The following HIGD1C variants were observed in gnomAD, a reference collection of about 807,000 sequenced individuals.
HIGD1C encodes the protein HIG1 domain family member 1C.
HIGD1C carries 11 observed loss-of-function variants against 13.1 expected under a neutral mutation model. The ratio of observed to expected loss-of-function variants is 0.84; its 90% confidence interval spans 0.53 to 1.39. The LOEUF (loss-of-function observed/expected upper bound fraction) is 1.39. Among genes scored for constraint, HIGD1C ranks in the 40% most tolerant of loss-of-function variants. The probability of loss-of-function intolerance (pLI) is 0.00; values close to 1 mark genes in which losing one functional copy is unlikely to be tolerated. For missense variants in HIGD1C, 110 were observed against 112.0 expected (o/e 0.98, Z 0.08); for synonymous variants, 36 against 37.7 (o/e 0.95, Z 0.17).
the HIGD1C span, among the ~76,000 whole-genome samples, chr12:50,940,942 T>C: frequency 6.6e-6 from 1 of 151,844 alleles, no homozygotes; most frequent in African/African-American, 2.4e-5. Context: ...CCTCCCAGGC[T>C]CAAGTGATCC....
the HIGD1C span, among the ~76,000 whole-genome samples, chr12:50,945,000 A>C: frequency 5.3e-5 from 8 of 152,290 alleles, no homozygotes; most frequent in South Asian, 1.7e-3. Flanking sequence ...TGATTATCTC[A>C]ATACATGCAG....
upstream of HIGD1C, among the ~76,000 whole-genome samples, chr12:50,952,316 C>T (rs1040868578): frequency 1.1e-4 from 17 of 152,032 alleles, no homozygotes; most frequent in African/African-American, 2.7e-4. Flanking sequence ...AAGGAAAATG[C>T]GGGTACCAGA....
At chr12:50,967,157 T>A (rs1223054306) in intron 2 of HIGD1C, among the ~76,000 whole-genome samples, 1 of 150,794 alleles carries the variant, frequency 6.6e-6, no homozygotes, top group East Asian at 1.9e-4. Flanking sequence ...GCTCTGTCAC[T>A]CAGGCTGGAG....
upstream of HIGD1C, chr12:50,953,824 A>C (rs1333532346): frequency 3.8e-6 from 2 of 532,632 alleles, no homozygotes; most frequent in African/African-American, 1.9e-5. Flanking sequence ...AAATGAAAAA[A>C]TTCGGTAGTG....
At position 50,958,379 on chromosome 12, in the gene HIGD1C, T is replaced by A. The variant is rs1170052845; in HGVS notation, c.95-2589T>A. Among the ~76,000 whole-genome samples the A allele has an allele frequency of 2.0e-5, 3 of 151,252 alleles. No individual in the cohort carries two copies. The East Asian group carries it at 5.9e-4, about 30-fold the overall frequency. On this transcript the variant is annotated intron_variant, in intron 1 of 2. Coordinates refer to ENST00000398455, the Ensembl canonical transcript of HIGD1C. ...TCACTGCAAGCTCTGCCTCCCGGGT[T>A]CACACCATTCTCCTGTCTCAGCCTC...
rs569109943 is a variant in HIGD1C, at chr12:50,968,354, C to A, written c.230-2088C>A. Among the ~76,000 whole-genome samples, 84 of 152,246 alleles carry A rather than the reference C, an allele frequency of 5.5e-4. No individual in the cohort carries two copies. In the South Asian group the frequency reaches 0.017, roughly 32 times the overall value. On this transcript the variant is annotated intron_variant, in intron 2 of 2. Coordinates refer to ENST00000398455, the Ensembl canonical transcript of HIGD1C. ...GTCAGACTTACTGCCTCCCAACTTA[C>A]CGTAATCTCCACTCCAGTTACACTG...
chr12:50,969,163 G>A (rs557940653), intron 2 of HIGD1C, among the ~76,000 whole-genome samples: 13 of 151,718 alleles, frequency 8.6e-5, no homozygotes, highest in Admixed American at 4.6e-4. Flanking sequence ...GTGTGGTGGC[G>A]CACACCTATA....
intron 2 of HIGD1C, among the ~76,000 whole-genome samples, chr12:50,965,730 T>C (rs1286873630): frequency 1.3e-5 from 2 of 152,152 alleles, no homozygotes; most frequent in Non-Finnish European, 2.9e-5. Context: ...AAATCCCCCA[T>C]AAATGTGATT....
upstream of HIGD1C, among the ~76,000 whole-genome samples, chr12:50,953,521 G>A (rs1295850811): frequency 6.6e-6 from 1 of 152,184 alleles, no homozygotes; most frequent in Non-Finnish European, 1.5e-5. Context: ...ACTTTATAAT[G>A]CCCTGCACAT....
At chr12:50,952,220 C>A (rs757169888), upstream of HIGD1C, among the ~76,000 whole-genome samples, 18 of 151,270 alleles carry the variant, frequency 1.2e-4, no homozygotes, top group Non-Finnish European at 2.1e-4. Context: ...CAAATGCATA[C>A]AAAAGTATAT....
At chr12:50,953,791 TTTTC>T, upstream of HIGD1C, 1 of 508,136 alleles carries the variant, frequency 2.0e-6, no homozygotes, top group Non-Finnish European at 3.5e-6. Context: ...CTATGTATTT[TTTTC>T]TTATCCCCTT....
the HIGD1C span, among the ~76,000 whole-genome samples, chr12:50,948,907 AGGGGG>A: frequency 1.7e-3 from 2 of 1,200 alleles, no homozygotes; most frequent in African/African-American, 0.013. Flanking sequence ...GGGAGGGGGG[AGGGGG>A]GGAGGGGGGG....
At chr12:50,955,517 T>G (rs1349879353) in intron 1 of HIGD1C, among the ~76,000 whole-genome samples, 1 of 152,204 alleles carries the variant, frequency 6.6e-6, no homozygotes, top group Non-Finnish European at 1.5e-5. Flanking sequence ...TAAAATAGTT[T>G]ACTTAAATCA....
At chr12:50,963,639 A>G (rs529462649) in intron 2 of HIGD1C, among the ~76,000 whole-genome samples, 9 of 152,274 alleles carry the variant, frequency 5.9e-5, no homozygotes, top group Admixed American at 3.9e-4. Flanking sequence ...GGCTGTGCTC[A>G]TGATTGCTGA....
At chr12:50,966,566 C>G (rs1016093358) in intron 2 of HIGD1C, among the ~76,000 whole-genome samples, 15 of 152,158 alleles carry the variant, frequency 9.9e-5, no homozygotes, top group African/African-American at 3.6e-4. Flanking sequence ...ACCATATTTC[C>G]CTGGGGAACA....
chr12:50,963,398 A>G (rs946231306), intron 2 of HIGD1C, among the ~76,000 whole-genome samples: 8 of 151,470 alleles, frequency 5.3e-5, no homozygotes, highest in African/African-American at 1.7e-4. Context: ...AAAAAAGAAA[A>G]GAAAAGAAAG....
chr12:50,965,115 TTTTG>T (rs1466625779), intron 2 of HIGD1C, among the ~76,000 whole-genome samples: 3 of 152,084 alleles, frequency 2.0e-5, no homozygotes, highest in South Asian at 2.1e-4. Context: ...TTGTGGGTTT[TTTTG>T]TTTTTGTTTT....
At chr12:50,951,243 C>T (rs1938889220), upstream of HIGD1C, among the ~76,000 whole-genome samples, 1 of 152,162 alleles carries the variant, frequency 6.6e-6, no homozygotes, top group Non-Finnish European at 1.5e-5. Context: ...TGCTAGAGCC[C>T]ATTCCTACCA....
At chr12:50,953,410 G>C (rs1367161545), upstream of HIGD1C, among the ~76,000 whole-genome samples, 2 of 152,208 alleles carry the variant, frequency 1.3e-5, no homozygotes, top group Non-Finnish European at 2.9e-5. Flanking sequence ...GCTTTTGCAA[G>C]TTTCTTCATT....
Sources: gnomAD v4.1 joint callset for allele counts (sites outside exome capture counted in the v4.1 genomes callset) on GRCh38, gnomAD v4.1.1 for gene constraint, MANE v1.5 for transcripts, NCBI Gene and HGNC (gene_info 2026-07-23, HGNC 2026-07-21) for gene names.